The following SLC13A3 variants were observed in gnomAD, a reference collection of about 807,000 sequenced individuals.
SLC13A3 encodes solute carrier family 13 member 3.
In SLC13A3, 40 loss-of-function variants were observed where a neutral mutation model predicts 59.0. The observed-to-expected ratio is 0.68, with a 90% CI of 0.53 to 0.88. The LOEUF is 0.88. SLC13A3 is among the 40% of genes least tolerant of loss of function. SLC13A3 has a pLI of 0.00. For missense variants in SLC13A3, 699 were observed against 783.2 expected, an observed-to-expected ratio of 0.89 and a Z score of 1.28; for synonymous variants, 317 against 330.3, an observed-to-expected ratio of 0.96 and a Z score of 0.44.
intron 1 of SLC13A3, among the ~76,000 whole-genome samples, chr20:46,632,128 T>G (rs540844159): frequency 7.2e-5 from 11 of 152,300 alleles, no homozygotes; most frequent in South Asian, 4.2e-4. Context: ...GGGACAGGAC[T>G]GAGACCAGCT....
chr20:46,562,821 G>T (rs935446493), intron 12 of SLC13A3, among the ~76,000 whole-genome samples: 3 of 152,148 alleles, frequency 2.0e-5, no homozygotes, highest in Non-Finnish European at 4.4e-5. Context: ...TCCTGCAGGG[G>T]TCTTGTGCCT....
intron 8 of SLC13A3, chr20:46,585,545 G>GCAC: frequency 9.7e-7 from 1 of 1,030,928 alleles, no homozygotes; most frequent in Non-Finnish European, 1.2e-6. Context: ...GCAATAAAAT[G>GCAC]CACCCATTTT....
At position 46,613,300 on chromosome 20, in the gene SLC13A3, GAAATAAAT is replaced by G. The variant is rs11472968; in HGVS notation, c.377+152_377+159del. Among the ~76,000 whole-genome samples, 128 of 146,172 alleles carry G rather than the reference GAAATAAAT, an allele frequency of 8.8e-4. 1 individual carries two copies. The South Asian group carries it at 0.013, about 15-fold the overall frequency. Reference sequence around the variant, plus strand: ...CAGCAGGTGCTTGCTAAATAGTAGAGAAATAAATAAATAAATAAATAAATAAATAAATA... The same window carrying G: ...CAGCAGGTGCTTGCTAAATAGTAGAGAAATAAATAAATAAATAAATAAATA... On this transcript the variant is annotated intron_variant, in intron 2 of 12. Coordinates refer to ENST00000279027, the MANE Select transcript of SLC13A3 (RefSeq NM_022829.6).
intron 1 of SLC13A3, among the ~76,000 whole-genome samples, chr20:46,639,289 C>T (rs2062824283): frequency 6.6e-6 from 1 of 151,926 alleles, no homozygotes; most frequent in African/African-American, 2.4e-5. Flanking sequence ...TGGTGAAACC[C>T]CGTTTCTACT....
chr20:46,573,506 T>TA (rs1357091655), intron 10 of SLC13A3, among the ~76,000 whole-genome samples: 1 of 152,228 alleles, frequency 6.6e-6, no homozygotes, highest in Non-Finnish European at 1.5e-5. Context: ...GGGCACAACC[T>TA]AATGAAGCCC....
At chr20:46,612,428 G>A (rs991989964) in intron 2 of SLC13A3, among the ~76,000 whole-genome samples, 8 of 152,048 alleles carry the variant, frequency 5.3e-5, no homozygotes, top group South Asian at 2.1e-4. Flanking sequence ...ATTACACTGC[G>A]CCCGGCAAGA....
chr20:46,560,194 C>G lies in SLC13A3; in HGVS notation c.1637G>C (p.Arg546Pro). ...SGHLLVKDMV[R>P]TGLLMNLMGV... ...CATCAGGTTCATCAGGAGGCCTGTC[C>G]GCACCTGAAATAGAGCCCAGACAGA... Residue 546 changes from arginine (R) to proline (P), a missense_variant, in exon 13 of 13, where the codon CGG (arginine) becomes CCG (proline). By Grantham distance (103) the Arg-to-Pro change is moderately radical (BLOSUM62 -2). Coordinates refer to ENST00000279027, the MANE Select transcript of SLC13A3 (RefSeq NM_022829.6). The G allele has an allele frequency of 1.9e-6, 3 of 1,614,010 alleles. No individual in the cohort carries two copies. Among genetic ancestry groups the G allele is most frequent in the Non-Finnish European group, 2.5e-6 (3 of 1,179,954 alleles).
intron 6 of SLC13A3, among the ~76,000 whole-genome samples, chr20:46,592,032 C>T (rs1194608035): frequency 7.2e-6 from 1 of 137,936 alleles, no homozygotes; most frequent in Non-Finnish European, 1.5e-5. Context: ...TATAGTGAGA[C>T]TCTGTCTCTA....
intron 1 of SLC13A3, among the ~76,000 whole-genome samples, chr20:46,647,074 C>A (rs947810202): frequency 1.3e-5 from 2 of 152,072 alleles, no homozygotes; most frequent in African/African-American, 4.8e-5. Flanking sequence ...CACCTTTGTG[C>A]AAATTAGAAT....
At chr20:46,613,429 C>T in intron 2 of SLC13A3, 31 bp downstream of exon 2, 2 of 1,539,320 alleles carry the variant, frequency 1.3e-6, no homozygotes, top group Non-Finnish European at 1.8e-6. Context: ...TGCCTCTCCG[C>T]TGTAGGGCTG....
chr20:46,595,285 C>T lies in SLC13A3; in HGVS notation c.794+872G>A, dbSNP rs192165401. On this transcript the variant is annotated intron_variant, in intron 5 of 12. Transcript: ENST00000279027. ...GAGGTTTAGAATAATGGGAGCGGCA[C>T]GTTGTGCAGTTGGAACATCTTTTCT... is the stretch of plus-strand genomic sequence containing the variant. 1.4e-4 allele frequency among the ~76,000 whole-genome samples: 21 copies of T among 152,294 alleles called. No individual in the cohort carries two copies. The East Asian group carries it at 3.1e-3, about 22-fold the overall frequency.
intron 1 of SLC13A3, among the ~76,000 whole-genome samples, chr20:46,660,414 T>A (rs937710305): frequency 1.3e-5 from 2 of 152,232 alleles, no homozygotes; most frequent in Admixed American, 1.3e-4. Context: ...CATTCCATTG[T>A]GTTCAAGTTT....
rs773385321 is a variant in SLC13A3, at chr20:46,596,114, G to A, written c.794+43C>T. On this transcript the variant is annotated intron_variant, in intron 5 of 12. Transcript: ENST00000279027. ...TTGAATGAAGGAGGGAAGAGGAGGG[G>A]AGGAGCAGAACCCTCCCCGCCGGTG... 28 of 1,571,032 alleles carry A rather than the reference G, an allele frequency of 1.8e-5. 1 individual carries two copies. In the Admixed American group the frequency reaches 3.6e-4, roughly 20 times the overall value.
At chr20:46,583,249 TA>T in intron 9 of SLC13A3, 1 of 588,306 alleles carries the variant, frequency 1.7e-6, no homozygotes, top group Non-Finnish European at 2.2e-6. Context: ...AGATTTCATG[TA>T]ACTTTCACAT....
chr20:46,567,758 A>G (rs528846004), intron 10 of SLC13A3, among the ~76,000 whole-genome samples: 2 of 152,282 alleles, frequency 1.3e-5, no homozygotes, highest in African/African-American at 2.4e-5. Flanking sequence ...TCCTCTCACC[A>G]TCAAATGCAT....
upstream of SLC13A3, among the ~76,000 whole-genome samples, chr20:46,672,162 C>A (rs1355024221): frequency 6.6e-6 from 1 of 152,202 alleles, no homozygotes; most frequent in African/African-American, 2.4e-5. Flanking sequence ...AGAGGCCATG[C>A]CTGCTCAGAC....
At chr20:46,654,237 G>A (rs1229320244), upstream of SLC13A3, among the ~76,000 whole-genome samples, 1 of 152,148 alleles carries the variant, frequency 6.6e-6, no homozygotes, top group African/African-American at 2.4e-5. Context: ...TTGGCCATCT[G>A]CGTATCTTGT....
At chr20:46,661,316 G>C (rs989130975) in intron 1 of SLC13A3, among the ~76,000 whole-genome samples, 1 of 152,178 alleles carries the variant, frequency 6.6e-6, no homozygotes, top group African/African-American at 2.4e-5. Context: ...CTGCAGTATG[G>C]AGTTAATCGG....
At chr20:46,679,352 T>G (rs1047504148) in intron 1 of SLC13A3, among the ~76,000 whole-genome samples, 1 of 151,404 alleles carries the variant, frequency 6.6e-6, no homozygotes, top group African/African-American at 2.4e-5. Flanking sequence ...AGGTCAGGAG[T>G]TCGAGACTAG....
Sources: allele counts gnomAD v4.1 joint callset (sites outside exome capture counted in the v4.1 genomes callset), GRCh38; gene constraint gnomAD v4.1.1; transcripts MANE v1.5; gene names NCBI Gene and HGNC (gene_info 2026-07-23, HGNC 2026-07-21).